Variants in CPZ observed in about 807,000 individuals in gnomAD.
CPZ encodes the protein VEZT/CPZ fusion.
Under a neutral mutation model 61.8 loss-of-function variants are expected in CPZ, and 103 were observed. The observed-to-expected ratio is 1.67, with a 90% CI of 1.42 to 1.96. The LOEUF (loss-of-function observed/expected upper bound fraction) is 1.96, where lower values mean the gene tolerates loss of function less well. Ranked by LOEUF, CPZ falls within the 30% of genes most tolerant of loss-of-function variation. The pLI is 0.00. For synonymous variants in CPZ, 551 were observed against 373.7 expected, an observed-to-expected ratio of 1.47 and a Z score of -5.47; for missense variants, 1,461 against 914.9, an observed-to-expected ratio of 1.60 and a Z score of -7.70.
chr4:8,614,261 C>T (rs898841690), intron 8 of CPZ, 98 bp from the exon 9 acceptor site: 35 of 1,482,478 alleles, frequency 2.4e-5, no homozygotes, highest in Non-Finnish European at 2.8e-5. Context: ...GCTGACACCC[C>T]GGCGTCCCGG....
chr4:8,609,728 G>A (rs1715491689), intron 7 of CPZ, among the ~76,000 whole-genome samples: 1 of 152,210 alleles, frequency 6.6e-6, no homozygotes, highest in Non-Finnish European at 1.5e-5. Flanking sequence ...CAGGGGGGAT[G>A]TTCACCCCAG....
chr4:8,606,433 C>T (rs775081141), intron 5 of CPZ, among the ~76,000 whole-genome samples: 2 of 151,972 alleles, frequency 1.3e-5, no homozygotes, highest in African/African-American at 2.4e-5. Context: ...GTCGATGGTG[C>T]CCGTGTGTGT....
chr4:8,596,327 G>A (rs1478842574), intron 1 of CPZ, among the ~76,000 whole-genome samples: 1 of 152,254 alleles, frequency 6.6e-6, no homozygotes, highest in Admixed American at 6.5e-5. Context: ...TGGGATTACA[G>A]GTGTGGGCCA....
At position 8,599,408 on chromosome 4, in the gene CPZ, G is replaced by GGAT. The variant is rs752002005; in HGVS notation, c.89-43_89-41dup. 2.6e-5 allele frequency: 41 copies of GGAT among 1,562,370 alleles called. No individual in the cohort carries two copies. The Middle Eastern group carries it at 7.4e-4, about 28-fold the overall frequency. On this transcript the variant is annotated intron_variant, in intron 1 of 10. Coordinates refer to ENST00000360986, the MANE Select transcript of CPZ (RefSeq NM_001014447.3). Reference sequence around the variant, plus strand: ...GGCCGTGTGTTGCCCGGTGAGTGAAGGATGGCGAGGCAGGTCCCTAACAGT... The same window carrying GGAT: ...GGCCGTGTGTTGCCCGGTGAGTGAAGGATGATGGCGAGGCAGGTCCCTAACAGT...
intron 9 of CPZ, among the ~76,000 whole-genome samples, chr4:8,614,966 G>A (rs138295601): frequency 7.2e-4 from 109 of 152,220 alleles, no homozygotes; most frequent in South Asian, 1.2e-3. Context: ...CTCGAGAGCC[G>A]CTGGGGCTGT....
intron 7 of CPZ, among the ~76,000 whole-genome samples, chr4:8,609,194 A>ACTCCCTCATTCACTTACTCATTCACTCC (rs1715382202): frequency 8.3e-6 from 1 of 120,830 alleles, no homozygotes; most frequent in African/African-American, 2.8e-5. Flanking sequence ...GCATTCACTC[A>ACTCCCTCATTCACTTACTCATTCACTCC]CTCCCTCACT....
chr4:8,617,367 C>T (rs988883913), intron 9 of CPZ, among the ~76,000 whole-genome samples: 6 of 152,326 alleles, frequency 3.9e-5, no homozygotes, highest in East Asian at 3.9e-4. Context: ...CAGCCCCTCT[C>T]GGGCTAATGT....
intron 4 of CPZ, among the ~76,000 whole-genome samples, chr4:8,605,397 C>A (rs1208037913): frequency 6.0e-5 from 9 of 150,980 alleles, no homozygotes; most frequent in Admixed American, 6.6e-5. Context: ...CCCATTCATT[C>A]ATACATCCAT....
intron 1 of CPZ, chr4:8,597,307 A>G (rs1714246079): frequency 6.6e-6 from 1 of 152,162 alleles, no homozygotes; most frequent in African/African-American, 2.4e-5. Flanking sequence ...CTTTAGCCAC[A>G]CTGACAGGGG....
intron 8 of CPZ, 91 bp from the exon 9 acceptor site, chr4:8,614,268 C>T (rs1161840673): frequency 6.8e-7 from 1 of 1,463,038 alleles, no homozygotes; most frequent in Non-Finnish European, 9.2e-7. Flanking sequence ...CCCCGGCGTC[C>T]CGGCTGTCTC....
chr4:8,599,635 A>G, intron 2 of CPZ, 150 bp downstream of exon 2: 1 of 1,460,754 alleles, frequency 6.8e-7, no homozygotes, highest in Non-Finnish European at 9.0e-7. Flanking sequence ...CCTCGTAAAC[A>G]GCCAGAGAAA....
At chr4:8,617,994 G>A (rs1716338461) in intron 9 of CPZ, 1 of 200,592 alleles carries the variant, frequency 5.0e-6, no homozygotes, top group Non-Finnish European at 1.0e-5. Flanking sequence ...CGCTGCTCGA[G>A]CGAGGGTCCG....
rs1347298506 is a variant in CPZ, at chr4:8,601,470, T to C, written c.469T>C (p.Cys157Arg). 1.3e-6 allele frequency: 2 copies of C among 1,504,142 alleles called. No individual in the cohort carries two copies. The highest frequency in any genetic ancestry group is 2.0e-5 in the Admixed American group (1 of 50,166). The allele number at this position is 1,504,142 out of a possible 1,614,324, so 93.2% of individuals were successfully genotyped here. A position where few individuals can be genotyped will look rare whatever the true frequency, so the allele number is the denominator to read the frequency against. Residue 157 changes from cysteine to arginine, a missense_variant, in exon 3 of 11, where the codon TGC becomes CGC. Transcript: ENST00000360986. ...CTACTTCACGAGAGAGGACGAGGGC[T>C]GCTATGACCCGCTGGAGAAGCTTCG... is the stretch of plus-strand genomic sequence containing the variant. ...HRYFTREDEG[C>R]YDPLEKLRGG...
intron 8 of CPZ, among the ~76,000 whole-genome samples, chr4:8,613,177 G>A (rs75761655): frequency 1.2e-4 from 18 of 151,022 alleles, no homozygotes; most frequent in African/African-American, 4.4e-4. Context: ...CTGTCACCAG[G>A]CTGGAGCACA....
chr4:8,609,247 C>CATCACTCACTCATTCTCTT (rs1715421365), intron 7 of CPZ, among the ~76,000 whole-genome samples: 1 of 149,958 alleles, frequency 6.7e-6, no homozygotes, highest in South Asian at 2.1e-4. Flanking sequence ...CTCATTCACT[C>CATCACTCACTCATTCTCTT]ATCACTCACT....
intron 7 of CPZ, among the ~76,000 whole-genome samples, 181 bp from the exon 8 acceptor site, chr4:8,611,846 G>A (rs939219697): frequency 6.6e-6 from 1 of 151,954 alleles, no homozygotes; most frequent in Non-Finnish European, 1.5e-5. Flanking sequence ...CCACCTCTGG[G>A]CCTTCACATA....
At chr4:8,606,715 CG>C (rs1560295369) in intron 5 of CPZ, 21 bp from the exon 6 acceptor site, 1 of 1,613,818 alleles carries the variant, frequency 6.2e-7, no homozygotes, top group Non-Finnish European at 8.5e-7. Context: ...CCCACCCAGT[CG>C]GGGGTTGGCC....
intron 4 of CPZ, 61 bp downstream of exon 4, chr4:8,604,249 A>C: frequency 2.1e-6 from 3 of 1,432,400 alleles, no homozygotes; most frequent in South Asian, 1.4e-5. Context: ...GGGCCGCTCC[A>C]CCTTCGGGTG....
intron 7 of CPZ, among the ~76,000 whole-genome samples, chr4:8,611,797 C>G (rs1715719183): frequency 1.3e-5 from 2 of 152,056 alleles, no homozygotes; most frequent in Non-Finnish European, 2.9e-5. Context: ...ACCCATGGGA[C>G]CTGGCCCCGA....
Sources: allele counts gnomAD v4.1 joint callset (sites outside exome capture counted in the v4.1 genomes callset), GRCh38; gene constraint gnomAD v4.1.1; transcripts MANE v1.5; gene names NCBI Gene and HGNC (gene_info 2026-07-23, HGNC 2026-07-21).